MS4A4E: variants seen among roughly 807,000 people sequenced by gnomAD.
MS4A4E encodes the protein membrane spanning 4-domains A4E.
MS4A4E carries 23 observed loss-of-function variants against 13.3 expected under a neutral mutation model. The observed-to-expected ratio is 1.73, with a 90% CI of 1.25 to 2.45. MS4A4E has a LOEUF of 2.45. Among genes scored for constraint, MS4A4E ranks in the 30% most tolerant of loss-of-function variants. The pLI is 0.00. For synonymous variants in MS4A4E, 36 were observed against 45.6 expected (o/e 0.79, Z 0.85); for missense variants, 144 against 131.2 (o/e 1.10, Z -0.48).
chr11:60,218,240 T>C (rs1308047486), intron 3 of MS4A4E, among the ~76,000 whole-genome samples: 1 of 152,182 alleles, frequency 6.6e-6, no homozygotes, highest in South Asian at 2.1e-4. Context: ...AAACCCTGTC[T>C]CCTGATAAGA....
rs540625200 is a variant in MS4A4E, at chr11:60,235,802, T to C, written c.-16-5731A>G. On this transcript the variant is annotated intron_variant, in intron 1 of 8. Transcript: ENST00000651255. ...AAATAAGGCCTGCTATTTTATTTTA[T>C]CTCTTTGCTCTATATCTAAAATTTG... Among the ~76,000 whole-genome samples, 13 of 152,324 alleles carry C rather than the reference T, an allele frequency of 8.5e-5. No homozygotes were observed. The South Asian group carries it at 2.5e-3, about 29-fold the overall frequency.
At chr11:60,234,123 A>G (rs1281389490) in intron 1 of MS4A4E, among the ~76,000 whole-genome samples, 1 of 152,114 alleles carries the variant, frequency 6.6e-6, no homozygotes, top group South Asian at 2.1e-4. Flanking sequence ...TCACCATTAT[A>G]TTTTGGAAAC....
At chr11:60,238,517 C>A (rs1055000922) in intron 1 of MS4A4E, among the ~76,000 whole-genome samples, 1 of 151,928 alleles carries the variant, frequency 6.6e-6, no homozygotes, top group Non-Finnish European at 1.5e-5. Flanking sequence ...AATTATGCTG[C>A]CTCTTTCATT....
At chr11:60,234,781 C>T (rs1374622625) in intron 1 of MS4A4E, among the ~76,000 whole-genome samples, 1 of 118,502 alleles carries the variant, frequency 8.4e-6, no homozygotes, top group Non-Finnish European at 1.8e-5. Flanking sequence ...AAAACAACCC[C>T]CCCCCCCAAA....
At chr11:60,208,404 G>T (rs1044088169) in intron 6 of MS4A4E, among the ~76,000 whole-genome samples, 189 bp downstream of exon 6, 1 of 152,088 alleles carries the variant, frequency 6.6e-6, no homozygotes, top group African/African-American at 2.4e-5. Context: ...CCACAGCCCC[G>T]GCCAACTCCC....
chr11:60,210,494 T>C (rs993230690), intron 5 of MS4A4E, among the ~76,000 whole-genome samples: 3 of 152,226 alleles, frequency 2.0e-5, no homozygotes, highest in Non-Finnish European at 2.9e-5. Flanking sequence ...CTGCTGTCTT[T>C]CTAGGTTAAG....
chr11:60,216,695 TG>T (rs1229954375), intron 3 of MS4A4E, among the ~76,000 whole-genome samples: 5 of 151,978 alleles, frequency 3.3e-5, no homozygotes, highest in Non-Finnish European at 7.4e-5. Context: ...TGGTTAATAT[TG>T]AGTGTCAACT....
chr11:60,203,169 A>G (rs2084005759), intron 8 of MS4A4E, among the ~76,000 whole-genome samples: 1 of 152,150 alleles, frequency 6.6e-6, no homozygotes, highest in African/African-American at 2.4e-5. Flanking sequence ...GACTTATGTT[A>G]ATCTTTAGCT....
chr11:60,226,530 A>G (rs1232449580), intron 3 of MS4A4E, among the ~76,000 whole-genome samples: 1 of 152,246 alleles, frequency 6.6e-6, no homozygotes, highest in Non-Finnish European at 1.5e-5. Context: ...GCTAAAAGGA[A>G]GAAAAATCAC....
Position 60,230,052 on chromosome 11 carries a change from T to C in MS4A4E, c.4A>G (p.Thr2Ala). The change falls in exon 2 of 9, where the codon ACA becomes GCA. Residue 2 changes from threonine (T) to alanine (A), a missense_variant. Transcript: ENST00000651255. ...GTCTGTTCCATTCCTTGCATGGTTG[T>C]CATGGCAGCAGAAAAGGTGCTACAA... MTTMQGMEQTTP... is the reference protein window; with the variant it reads MATMQGMEQTTP... 6.3e-7 allele frequency: 1 copy of C among 1,584,586 alleles called. No homozygotes were observed.
At chr11:60,214,310 C>T (rs1246734609) in intron 4 of MS4A4E, among the ~76,000 whole-genome samples, 1 of 152,124 alleles carries the variant, frequency 6.6e-6, no homozygotes, top group Non-Finnish European at 1.5e-5. Flanking sequence ...TTTGAGTGAT[C>T]CCACTTCATA....
chr11:60,214,613 T>G lies in MS4A4E; in HGVS notation c.180A>C (p.Val60=). ...TAATTCCTGCTGCAACTGATAAGGA[T>G]ACTGAAATAATAAAATAAGAATGAG... ...LCGHKFSTHS[V]SLSVAAGIRT... is the part of the protein sequence containing the mutation. The change falls in exon 4 of 9, where the codon GTA becomes GTC. Residue 60 remains valine, a splice_region_variant and synonymous_variant. Transcript: ENST00000651255. 6.6e-7 allele frequency: 1 copy of G among 1,524,096 alleles called. No individual in the cohort carries two copies. The allele number at this position is 1,524,096 out of a possible 1,614,324, so 94.4% of individuals were successfully genotyped here.
Position 60,229,799 on chromosome 11 carries a change from T to G in MS4A4E, c.144+113A>C, listed in dbSNP as rs754803564. 58 of 1,027,158 alleles carry G rather than the reference T, an allele frequency of 5.6e-5. 1 individual carries two copies. The highest frequency in any genetic ancestry group is 7.8e-5 in the Non-Finnish European group (56 of 718,976). The allele number at this position is 1,027,158 out of a possible 1,614,324, so 63.6% of individuals were successfully genotyped here. On this transcript the variant is annotated intron_variant, in intron 2 of 8. Transcript: ENST00000651255. ...GCCTGAAATTAAATTCTGATGTTAC[T>G]AGGGCTGGTTGATGTATTATGAGGC... is the stretch of plus-strand genomic sequence containing the variant.
chr11:60,242,862 A>ATT, intron 1 of MS4A4E, 96 bp downstream of exon 1: 5 of 876,640 alleles, frequency 5.7e-6, no homozygotes, highest in Admixed American at 2.7e-5. Flanking sequence ...AAGTGACCTC[A>ATT]TTTTTTTTTC....
At chr11:60,230,781 T>G (rs2084399614) in intron 1 of MS4A4E, among the ~76,000 whole-genome samples, 1 of 152,212 alleles carries the variant, frequency 6.6e-6, no homozygotes, top group South Asian at 2.1e-4. Context: ...TCCAACCAAG[T>G]AATGTGGAGA....
intron 5 of MS4A4E, among the ~76,000 whole-genome samples, chr11:60,210,199 T>A (rs1471131694): frequency 6.6e-6 from 1 of 152,232 alleles, no homozygotes; most frequent in Non-Finnish European, 1.5e-5. Flanking sequence ...AAACTTTATT[T>A]ACAAAAACAA....
chr11:60,214,457 A>G (rs1347815675), intron 4 of MS4A4E, 114 bp downstream of exon 4: 4 of 597,492 alleles, frequency 6.7e-6, no homozygotes, highest in East Asian at 3.3e-5. Flanking sequence ...AGTAAAATGC[A>G]TAGTTGCTCC....
At chr11:60,205,075 C>G (rs1377846684) in intron 7 of MS4A4E, among the ~76,000 whole-genome samples, 117 bp from the exon 8 acceptor site, 1 of 152,012 alleles carries the variant, frequency 6.6e-6, no homozygotes, top group African/African-American at 2.4e-5. Flanking sequence ...AATGAGAAAT[C>G]CTATATACTG....
At chr11:60,215,619 T>C (rs945993098) in intron 3 of MS4A4E, among the ~76,000 whole-genome samples, 2 of 151,626 alleles carry the variant, frequency 1.3e-5, no homozygotes, top group African/African-American at 4.8e-5. Flanking sequence ...TGTTTAATGA[T>C]TAAAAAAAAA....
Sources: allele counts gnomAD v4.1 joint callset (sites outside exome capture counted in the v4.1 genomes callset), GRCh38; gene constraint gnomAD v4.1.1; transcripts MANE v1.5; gene names NCBI Gene and HGNC (gene_info 2026-07-23, HGNC 2026-07-21).